EEFSEC: variants seen among roughly 807,000 people sequenced by gnomAD.
EEFSEC encodes the protein selenocysteine-specific elongation factor.
A neutral mutation model predicts 42.1 loss-of-function variants in EEFSEC; 43 were observed. That is an observed-to-expected ratio of 1.02 (90% confidence interval 0.80 to 1.32). The LOEUF is 1.32. Ranked by LOEUF, EEFSEC falls within the 40% of genes most tolerant of loss-of-function variation. The probability of loss-of-function intolerance (pLI) is 0.00; values close to 1 mark genes in which losing one functional copy is unlikely to be tolerated. For missense variants in EEFSEC, 745 were observed against 803.6 expected (o/e 0.93, Z 0.88); for synonymous variants, 354 against 339.1 (o/e 1.04, Z -0.48).
At chr3:128,217,721 C>T (rs2065824298) in intron 1 of EEFSEC, among the ~76,000 whole-genome samples, 1 of 152,200 alleles carries the variant, frequency 6.6e-6, no homozygotes, top group Non-Finnish European at 1.5e-5. Context: ...TATAACTTGC[C>T]TTGGCTGTGG....
intron 4 of EEFSEC, among the ~76,000 whole-genome samples, chr3:128,303,224 C>T (rs139481527): frequency 2.6e-3 from 390 of 152,192 alleles, no homozygotes; most frequent in African/African-American, 8.6e-3. Flanking sequence ...TCCCGTCTAC[C>T]AAAGTGTTGG....
At position 128,408,462 on chromosome 3, in the gene EEFSEC, C is replaced by A; in HGVS notation, c.*203C>A. On this transcript the variant is annotated 3_prime_UTR_variant, in exon 7 of 7. Transcript: ENST00000254730. Reference sequence around the variant, plus strand: ...GGGCCAGGAGGGTCTCTCCTCCAGCCCCTGCACACTCCCACCCAGGACAGC... The same window carrying A: ...GGGCCAGGAGGGTCTCTCCTCCAGCACCTGCACACTCCCACCCAGGACAGC... 2.0e-6 allele frequency: 1 copy of A among 507,312 alleles called. No homozygotes were observed. Among genetic ancestry groups the A allele is most frequent in the Non-Finnish European group, 3.4e-6 (1 of 296,696 alleles). 31.4% of individuals were successfully genotyped at this position (507,312 alleles called of 1,614,324 possible).
At chr3:128,261,614 C>G (rs1304616432) in intron 2 of EEFSEC, among the ~76,000 whole-genome samples, 1 of 133,108 alleles carries the variant, frequency 7.5e-6, no homozygotes, top group Non-Finnish European at 1.5e-5. Flanking sequence ...AGATAAATGT[C>G]CACACAGAAT....
intron 6 of EEFSEC, among the ~76,000 whole-genome samples, chr3:128,391,837 A>C (rs777808781): frequency 1.3e-5 from 2 of 152,194 alleles, no homozygotes; most frequent in Non-Finnish European, 2.9e-5. Flanking sequence ...GAGGGCAATC[A>C]TGGGCAGAAA....
At chr3:128,187,101 A>G (rs1354584075) in intron 1 of EEFSEC, among the ~76,000 whole-genome samples, 1 of 152,176 alleles carries the variant, frequency 6.6e-6, no homozygotes, top group Non-Finnish European at 1.5e-5. Context: ...GATGTTGGAG[A>G]TCCCAACTGG....
intron 2 of EEFSEC, among the ~76,000 whole-genome samples, chr3:128,261,607 T>C (rs183000105): frequency 3.4e-5 from 5 of 145,110 alleles, no homozygotes; most frequent in Non-Finnish European, 7.5e-5. Flanking sequence ...ATGGGAAAGA[T>C]AAATGTCCAC....
chr3:128,237,794 G>C (rs1314715952), intron 1 of EEFSEC, among the ~76,000 whole-genome samples: 1 of 152,128 alleles, frequency 6.6e-6, no homozygotes. Context: ...CTGCTGACAT[G>C]CTCTCATTGT....
chr3:128,424,448 C>T, the EEFSEC span, among the ~76,000 whole-genome samples: 2 of 152,148 alleles, frequency 1.3e-5, no homozygotes, highest in Non-Finnish European at 2.9e-5. Context: ...GTGGTGTGAT[C>T]ATGGCTCACT....
At chr3:128,212,898 C>T (rs1242968180) in intron 1 of EEFSEC, among the ~76,000 whole-genome samples, 1 of 152,228 alleles carries the variant, frequency 6.6e-6, no homozygotes, top group Non-Finnish European at 1.5e-5. Context: ...GCCACATCAG[C>T]CAGCTCCTTC....
At chr3:128,411,945 C>T (rs1385363737), downstream of EEFSEC, among the ~76,000 whole-genome samples, 2 of 152,202 alleles carry the variant, frequency 1.3e-5, no homozygotes, top group African/African-American at 4.8e-5. Context: ...CATCTGTGCA[C>T]ATGGATCCGC....
At chr3:128,294,196 T>TG (rs1448486646) in intron 4 of EEFSEC, among the ~76,000 whole-genome samples, 1 of 152,152 alleles carries the variant, frequency 6.6e-6, no homozygotes, top group African/African-American at 2.4e-5. Context: ...ACCAGATACC[T>TG]GGTGAGGCCC....
chr3:128,360,431 G>A (rs2107592032), intron 6 of EEFSEC, among the ~76,000 whole-genome samples: 2 of 152,340 alleles, frequency 1.3e-5, no homozygotes, highest in African/African-American at 4.8e-5. Context: ...CCATACTGAG[G>A]AGCACTGATC....
the EEFSEC span, among the ~76,000 whole-genome samples, chr3:128,415,981 C>T: frequency 1.3e-5 from 2 of 152,232 alleles, no homozygotes; most frequent in Non-Finnish European, 2.9e-5. Context: ...CCAAGCCTGC[C>T]AGGTCCTGGC....
At position 128,408,201 on chromosome 3, in the gene EEFSEC, G is replaced by A. The variant is rs756020646; in HGVS notation, c.1733G>A (p.Ser578Asn). The change falls in exon 7 of 7, where the codon AGC (serine) becomes AAC (asparagine). Residue 578 changes from serine to asparagine, a missense_variant. Physicochemically the swap from Ser to Asn is conservative, Grantham distance 46. Coordinates refer to ENST00000254730, the MANE Select transcript of EEFSEC (RefSeq NM_021937.5). ...RSEPSQHVVL[S>N]LTFKRYVFDT... ...GAGCCCTCACAGCATGTGGTGCTCAGCCTGACTTTCAAGCGTTATGTCTTC... is the reference window on the plus strand; with the variant it reads ...GAGCCCTCACAGCATGTGGTGCTCAACCTGACTTTCAAGCGTTATGTCTTC... 2.5e-6 allele frequency: 4 copies of A among 1,611,954 alleles called. No homozygotes were observed. The highest frequency in any genetic ancestry group is 3.4e-6 in the Non-Finnish European group (4 of 1,178,900).
chr3:128,247,723 A>G (rs1388191665), intron 2 of EEFSEC, among the ~76,000 whole-genome samples: 1 of 152,160 alleles, frequency 6.6e-6, no homozygotes, highest in Non-Finnish European at 1.5e-5. Context: ...GAGGTTTTTC[A>G]TTAGGAGATC....
chr3:128,325,447 T>G (rs1216877907), intron 4 of EEFSEC, among the ~76,000 whole-genome samples: 1 of 152,040 alleles, frequency 6.6e-6, no homozygotes, highest in Non-Finnish European at 1.5e-5. Context: ...AGGTGTCAGG[T>G]GGTGGTGAGG....
chr3:128,315,585 A>G (rs1473545225), intron 4 of EEFSEC, among the ~76,000 whole-genome samples: 1 of 152,132 alleles, frequency 6.6e-6, no homozygotes, highest in Non-Finnish European at 1.5e-5. Flanking sequence ...GAGGCCCAGG[A>G]GGGAGGGAGG....
intron 6 of EEFSEC, among the ~76,000 whole-genome samples, chr3:128,365,660 C>T (rs1389018695): frequency 6.6e-6 from 1 of 152,108 alleles, no homozygotes; most frequent in Non-Finnish European, 1.5e-5. Context: ...CACCCATGCC[C>T]TGTCCCTACC....
chr3:128,289,419 C>T (rs2066620063), intron 4 of EEFSEC, among the ~76,000 whole-genome samples: 1 of 152,144 alleles, frequency 6.6e-6, no homozygotes, highest in Non-Finnish European at 1.5e-5. Flanking sequence ...TAGGGCCTGG[C>T]AGGAGGCAGA....
Sources: gnomAD v4.1 joint callset for allele counts (sites outside exome capture counted in the v4.1 genomes callset) on GRCh38, gnomAD v4.1.1 for gene constraint, MANE v1.5 for transcripts, NCBI Gene and HGNC (gene_info 2026-07-23, HGNC 2026-07-21) for gene names.